Variants in AMIGO3 observed in about 807,000 individuals in gnomAD.
AMIGO3 encodes the protein adhesion molecule with Ig like domain 3.
In AMIGO3, 6 loss-of-function variants were observed where a neutral mutation model predicts 4.3. The ratio of observed to expected loss-of-function variants is 1.39; its 90% CI spans 0.76 to 2.75. The LOEUF is 2.75. AMIGO3 is among the 30% of genes most tolerant of loss of function. The probability of loss-of-function intolerance (pLI) is 0.00; values close to 1 mark genes in which losing one functional copy is unlikely to be tolerated. For synonymous variants in AMIGO3, 315 were observed against 320.0 expected (o/e 0.98, Z 0.17); for missense variants, 771 against 692.1 (o/e 1.11, Z -1.28).
At position 49,717,951 on chromosome 3, in the gene AMIGO3, C is replaced by A; in HGVS notation, c.1515G>T (p.Ter505TyrextTer91). 6.2e-7 allele frequency: 1 copy of A among 1,611,108 alleles called. No individual in the cohort carries two copies. Among genetic ancestry groups the A allele is most frequent in the South Asian group, 1.1e-5 (1 of 90,938 alleles). ...CCTGGGTGGGGGAGCCCTGGGCAGT[C>A]TAGGTTGTCATGGGACCCTCGGAGC... ...SIGSEGPMTT[*>Y] The change falls in exon 1 of 1, where the codon TAG becomes TAT. Residue 505 changes from the stop codon to tyrosine, a stop_lost. Transcript: ENST00000320431.
At position 49,719,072 on chromosome 3, in the gene AMIGO3, G is replaced by A; in HGVS notation, c.394C>T (p.Leu132=). 6.2e-7 allele frequency: 1 copy of A among 1,613,810 alleles called. No individual in the cohort carries two copies. The change falls in exon 1 of 1, where the codon CTG becomes TTG. Residue 132 remains leucine, a synonymous_variant. Transcript: ENST00000320431. ...RALGRHDLDG[L]GALEKLLLFN... ...AGAAGCAGCTTCTCCAGCGCCCCCA[G>A]CCCGTCGAGGTCGTGGCGGCCAAGC... is the stretch of plus-strand genomic sequence containing the variant.
Position 49,718,041 on chromosome 3 carries a change from T to C in AMIGO3, c.1425A>G (p.Glu475=). ...GGCCTCCAGGGTTGTAGAGATCGAA[T>C]TCCTCAGCTACTGCCAGCTGCACGC... ...NGRVQLAVAE[E]FDLYNPGGLQ... Residue 475 remains glutamate (E), a synonymous_variant, in exon 1 of 1, where the codon GAA becomes GAG. Coordinates refer to ENST00000320431, the MANE Select transcript of AMIGO3 (RefSeq NM_198722.3). 1.2e-6 allele frequency: 2 copies of C among 1,613,680 alleles called. No individual in the cohort carries two copies. The highest frequency in any genetic ancestry group is 1.7e-5 in the Admixed American group (1 of 60,034).
rs751879667 is a variant in AMIGO3 at position 49,718,106 on chromosome 3, C to T, written c.1360G>A (p.Val454Ile). The T allele has an allele frequency of 1.9e-6, 3 of 1,613,600 alleles. No individual in the cohort carries two copies. Among genetic ancestry groups the T allele is most frequent in the Non-Finnish European group, 1.7e-6 (2 of 1,180,044 alleles). Residue 454 changes from valine to isoleucine, a missense_variant, in exon 1 of 1, where the codon GTA becomes ATA. Transcript: ENST00000320431. ...CTCCGGCCTGGCTCCAGAAAGACTA[C>T]GTGCTTGTGGACGCTGGCCTTGCGG... ...PSRKASVHKH[V>I]VFLEPGRRGL...
chr3:49,718,068 G>C lies in AMIGO3; in HGVS notation c.1398C>G (p.Gly466=), dbSNP rs1169780108. The change falls in exon 1 of 1, where the codon GGC becomes GGG. Residue 466 remains glycine (G), a synonymous_variant. Coordinates refer to ENST00000320431, the MANE Select transcript of AMIGO3 (RefSeq NM_198722.3). ...FLEPGRRGLN[G]RVQLAVAEEF... is the part of the protein sequence containing the mutation. ...CCTCAGCTACTGCCAGCTGCACGCG[G>C]CCATTGAGGCCCCTCCGGCCTGGCT... 3 of 1,613,614 alleles carry C rather than the reference G, an allele frequency of 1.9e-6. No individual in the cohort carries two copies. Among genetic ancestry groups the C allele is most frequent in the Non-Finnish European group, 2.5e-6 (3 of 1,180,028 alleles).
At position 49,719,383 on chromosome 3, in the gene AMIGO3, G is replaced by C. The variant is rs768864860; in HGVS notation, c.83C>G (p.Pro28Arg). 3 of 1,613,646 alleles carry C rather than the reference G, an allele frequency of 1.9e-6. No individual in the cohort carries two copies. In the Admixed American group the frequency reaches 5.0e-5, roughly 27 times the overall value. Residue 28 changes from proline to arginine, a missense_variant, in exon 1 of 1, where the codon CCC becomes CGC. Physicochemically the swap from Pro to Arg is moderately radical, Grantham distance 103. Transcript: ENST00000320431. ...LGTPDSEGFPPRALHNCPYKC... is the reference protein window; with the variant it reads ...LGTPDSEGFPRRALHNCPYKC... ...GTAGGGGCAGTTGTGGAGCGCACGG[G>C]GCGGGAAACCCTCGGAGTCCGGGGT...
At position 49,719,671 on chromosome 3, in the gene AMIGO3, T is replaced by C. The variant is rs539260678; in HGVS notation, c.-206A>G. The C allele has an allele frequency of 1.8e-6, 1 of 557,268 alleles. No homozygotes were observed. The highest frequency in any genetic ancestry group is 3.2e-5 in the East Asian group (1 of 31,558). 34.5% of individuals were successfully genotyped at this position (557,268 alleles called of 1,614,324 possible). On this transcript the variant is annotated 5_prime_UTR_variant, in exon 1 of 1. Transcript: ENST00000320431. ...ACTCTTAGCCGCGCTCCCTTCGGCT[T>C]CGCTAGCCCTCTCCAAGCGAGTTCC...
chr3:49,718,413 C>G lies in AMIGO3; in HGVS notation c.1053G>C (p.Val351=). ...NVQEQHAGLF[V]CLATGPRLHH... ...GCAGGCGGGGCCCAGTGGCCAGGCA[C>G]ACGAAGAGTCCCGCATGCTGCTCCT... Residue 351 remains valine, a synonymous_variant, in exon 1 of 1, where the codon GTG becomes GTC. Coordinates refer to ENST00000320431, the MANE Select transcript of AMIGO3 (RefSeq NM_198722.3). The G allele has an allele frequency of 1.2e-6, 2 of 1,613,040 alleles. No homozygotes were observed. Among genetic ancestry groups the G allele is most frequent in the South Asian group, 1.1e-5 (1 of 91,064 alleles).
chr3:49,718,884 C>A lies in AMIGO3; in HGVS notation c.582G>T (p.Arg194=). ...GCTCAGGTACGGAGATGTGTCCCAG[C>A]CGGTTGGAGGAGAGGTCCAGAGTAA... The part of the protein sequence containing the change: ...HLLTLDLSSN[R]LGHISVPELA... The change falls in exon 1 of 1, where the codon CGG becomes CGT. Residue 194 remains arginine, a synonymous_variant. Transcript: ENST00000320431. 1 of 1,613,608 alleles carries A rather than the reference C, an allele frequency of 6.2e-7. No individual in the cohort carries two copies. The highest frequency in any genetic ancestry group is 8.5e-7 in the Non-Finnish European group (1 of 1,180,036).
rs2080317935 is a variant in AMIGO3, at chr3:49,718,924, C to T, written c.542G>A (p.Ser181Asn). The T allele has an allele frequency of 1.2e-6, 2 of 1,613,732 alleles. No homozygotes were observed. Among genetic ancestry groups the T allele is most frequent in the East Asian group, 4.5e-5 (2 of 44,878 alleles). Residue 181 changes from serine to asparagine, a missense_variant, in exon 1 of 1, where the codon AGC (serine) becomes AAC (asparagine). Ser to Asn is a conservative substitution (Grantham distance 46). Transcript: ENST00000320431. ...GTCCAGAGTAAGCAGGTGGGTGGCG[C>T]TCAGACCGTGCAGGTGGTCGAAGGA... is the stretch of plus-strand genomic sequence containing the variant. ...SFSFDHLHGL[S>N]ATHLLTLDLS... is the part of the protein sequence containing the mutation.
In AMIGO3 at chr3:49,718,527, C is replaced by T. The variant is rs1229638190; in HGVS notation, c.939G>A (p.Ser313=). ...GCGCCCTGAGAAGCTCCTGCTGCGG[C>T]GAAACCCAGGCAATGCGCATGGCCG... ...SVPAMRIAWV[S]PQQELLRAPG... The change falls in exon 1 of 1, where the codon TCG becomes TCA. Residue 313 remains serine (S), a synonymous_variant. Transcript: ENST00000320431. 1.2e-6 allele frequency: 2 copies of T among 1,613,154 alleles called. No individual in the cohort carries two copies. Among genetic ancestry groups the T allele is most frequent in the South Asian group, 2.2e-5 (2 of 91,088 alleles).
rs371379790 is a variant in AMIGO3 at position 49,718,599 on chromosome 3, G to A, written c.867C>T (p.Tyr289=). 2 of 1,613,030 alleles carry A rather than the reference G, an allele frequency of 1.2e-6. No individual in the cohort carries two copies. The highest frequency in any genetic ancestry group is 1.1e-5 in the South Asian group (1 of 91,074). Residue 289 remains tyrosine (Y), a synonymous_variant, in exon 1 of 1, where the codon TAC becomes TAT. Transcript: ENST00000320431. ...LGLERPEEHL[Y]ALVGRSLRLY... is the part of the protein sequence containing the mutation. The stretch of plus-strand genomic sequence containing the variant: ...GCCTCAGGGACCGACCCACCAGCGC[G>A]TACAGGTGCTCTTCCGGCCGCTCTA...
At position 49,717,929 on chromosome 3, in the gene AMIGO3, G is replaced by A. The variant is rs1201049843; in HGVS notation, c.*22C>T. 1 of 1,598,622 alleles carries A rather than the reference G, an allele frequency of 6.3e-7. No individual in the cohort carries two copies. The highest frequency in any genetic ancestry group is 8.5e-7 in the Non-Finnish European group (1 of 1,172,536). ...GCGAGCAGCAAGAGGGTGGGGGCCT[G>A]GGTGGGGGAGCCCTGGGCAGTCTAG... On this transcript the variant is annotated 3_prime_UTR_variant, in exon 1 of 1. Coordinates refer to ENST00000320431, the MANE Select transcript of AMIGO3 (RefSeq NM_198722.3).
In AMIGO3 at chr3:49,718,642, G is replaced by A. The variant is rs981059388; in HGVS notation, c.824C>T (p.Ser275Leu). Residue 275 changes from serine (S) to leucine (L), a missense_variant, in exon 1 of 1, where the codon TCG becomes TTG. Transcript: ENST00000320431. ...CCGCTCTAGGCCAAGAGCTGGGGCC[G>A]ACGAGCAGTTCTCAAAGACGCGGCT... ...QHSRVFENCS[S>L]APALGLERPE... 6.2e-7 allele frequency: 1 copy of A among 1,612,998 alleles called. No homozygotes were observed. The highest frequency in any genetic ancestry group is 2.2e-5 in the East Asian group (1 of 44,876).
Position 49,719,147 on chromosome 3 carries a change from T to C in AMIGO3, c.319A>G (p.Asn107Asp). Residue 107 changes from asparagine to aspartate, a missense_variant, in exon 1 of 1, where the codon AAC (asparagine) becomes GAC (aspartate). Transcript: ENST00000320431. ...TCGAGCAGCCTCAGGCCGCTGGCGTTGACGAAGACGCCGCGACCCAGCGCA... is the reference window on the plus strand; with the variant it reads ...TCGAGCAGCCTCAGGCCGCTGGCGTCGACGAAGACGCCGCGACCCAGCGCA... ...LDALGRGVFVNASGLRLLDLS... is the reference protein window; with the variant it reads ...LDALGRGVFVDASGLRLLDLS... The C allele has an allele frequency of 6.2e-7, 1 of 1,613,586 alleles. No homozygotes were observed.
At position 49,719,112 on chromosome 3, in the gene AMIGO3, A is replaced by T; in HGVS notation, c.354T>A (p.Ser118=). 6.2e-7 allele frequency: 1 copy of T among 1,613,552 alleles called. No homozygotes were observed. The highest frequency in any genetic ancestry group is 8.5e-7 in the Non-Finnish European group (1 of 1,180,016). ...GGCGGCCAAGCGCCCGCAACGTGTT[A>T]GATGATAGATCGAGCAGCCTCAGGC... is the stretch of plus-strand genomic sequence containing the variant. ...ASGLRLLDLS[S]NTLRALGRHD... Residue 118 remains serine (S), a synonymous_variant, in exon 1 of 1, where the codon TCT becomes TCA. Transcript: ENST00000320431.
Position 49,717,440 on chromosome 3 carries a change from A to G in AMIGO3, c.*511T>C, listed in dbSNP as rs1332585665. ...GGGTGTGGGCGAGATCTTCCTTCAG[A>G]GCCGCCTTCTTTTCCCTGTGGGCCC... is the stretch of plus-strand genomic sequence containing the variant. On this transcript the variant is annotated 3_prime_UTR_variant, in exon 1 of 1. Coordinates refer to ENST00000320431, the MANE Select transcript of AMIGO3 (RefSeq NM_198722.3). 6.0e-6 allele frequency: 1 copy of G among 167,460 alleles called. No individual in the cohort carries two copies. Among genetic ancestry groups the G allele is most frequent in the East Asian group, 1.8e-4 (1 of 5,516 alleles). The allele number at this position is 167,460 out of a possible 1,614,324, so 10.4% of individuals were successfully genotyped here.
In AMIGO3 at chr3:49,719,410, C is replaced by T. The variant is rs767245674; in HGVS notation, c.56G>A (p.Gly19Asp). The part of the protein sequence containing the change: ...TLLCMLRVGL[G>D]TPDSEGFPPR... ...CGGGAAACCCTCGGAGTCCGGGGTG[C>T]CTAACCCAACGCGCAGCATGCAGAG... The change falls in exon 1 of 1, where the codon GGC becomes GAC. Residue 19 changes from glycine (G) to aspartate (D), a missense_variant. Physicochemically the swap from Gly to Asp is moderately conservative, Grantham distance 94. Transcript: ENST00000320431. 1 of 1,613,626 alleles carries T rather than the reference C, an allele frequency of 6.2e-7. No homozygotes were observed. Among genetic ancestry groups the T allele is most frequent in the South Asian group, 1.1e-5 (1 of 91,060 alleles).
Position 49,717,857 on chromosome 3 carries a change from CT to C in AMIGO3, c.*93del. 7.3e-7 allele frequency: 1 copy of C among 1,379,030 alleles called. No homozygotes were observed. Among genetic ancestry groups the C allele is most frequent in the Non-Finnish European group, 9.8e-7 (1 of 1,016,008 alleles). 85.4% of individuals were successfully genotyped at this position (1,379,030 alleles called of 1,614,324 possible). ...GGAAGCTGGGGGGCCAGGCACAGTGCTTCCCACCAGTATCTGCCAGTTCTCT... is the reference window on the plus strand; with the variant it reads ...GGAAGCTGGGGGGCCAGGCACAGTGCTCCCACCAGTATCTGCCAGTTCTCT... On this transcript the variant is annotated 3_prime_UTR_variant, in exon 1 of 1. Coordinates refer to ENST00000320431, the MANE Select transcript of AMIGO3 (RefSeq NM_198722.3).
Position 49,719,551 on chromosome 3 carries a change from G to T in AMIGO3, c.-86C>A, listed in dbSNP as rs1559692850. The T allele has an allele frequency of 5.9e-6, 7 of 1,191,918 alleles. No individual in the cohort carries two copies. The South Asian group carries it at 8.8e-5, about 15-fold the overall frequency. The allele number at this position is 1,191,918 out of a possible 1,614,324, so 73.8% of individuals were successfully genotyped here. ...CCCTCTTCTGCTCTAGTGCGACATG[G>T]GTGGCACCGGATGGCCCTTGCCGAG... On this transcript the variant is annotated 5_prime_UTR_variant, in exon 1 of 1. Transcript: ENST00000320431.
Sources: gnomAD v4.1 joint callset for allele counts on GRCh38, gnomAD v4.1.1 for gene constraint, MANE v1.5 for transcripts, NCBI Gene and HGNC (gene_info 2026-07-23, HGNC 2026-07-21) for gene names.